The following PRELID2 variants were observed in gnomAD, a reference collection of about 807,000 sequenced individuals.
The protein encoded by PRELID2 is PRELI domain containing 2.
A neutral mutation model predicts 28.4 loss-of-function variants in PRELID2; 25 were observed. The observed-to-expected ratio is 0.88, with a 90% CI of 0.64 to 1.23. The LOEUF is 1.23. Among genes scored for constraint, PRELID2 ranks in the 50% most tolerant of loss-of-function variants. PRELID2 has a pLI of 0.00. For synonymous variants in PRELID2, 76 were observed against 71.6 expected (o/e 1.06, Z -0.31); for missense variants, 201 against 214.4 (o/e 0.94, Z 0.39).
At chr5:145,787,547 A>ATTTT (rs34918986) in intron 5 of PRELID2, among the ~76,000 whole-genome samples, 3 of 148,252 alleles carry the variant, frequency 2.0e-5, no homozygotes, top group African/African-American at 7.4e-5. Context: ...AGAGGCAACA[A>ATTTT]TTTTTTTTTT....
At chr5:145,666,431 G>A (rs1368699045) in intron 1 of PRELID2, among the ~76,000 whole-genome samples, 4 of 150,792 alleles carry the variant, frequency 2.7e-5, no homozygotes, top group African/African-American at 7.5e-5. Flanking sequence ...TTCACCAAAG[G>A]AAGACTGGGA....
the PRELID2 span, among the ~76,000 whole-genome samples, chr5:145,254,738 G>C: frequency 2.0e-5 from 3 of 151,880 alleles, no homozygotes; most frequent in Non-Finnish European, 4.4e-5. Context: ...TCAAAAACCC[G>C]GCAGGCATTT....
Position 145,505,193 on chromosome 5 carries a change from G to T in PRELID2, n.71-31878C>A, listed in dbSNP as rs145523009. ...CTCTGATTCAATAGATTTCTATTCT[G>T]ATCAATACTATTCATCAAATAGTCA... On this transcript the variant is annotated intron_variant and non_coding_transcript_variant, in intron 1 of 2. Transcript: ENST00000510259. 4.6e-3 allele frequency among the ~76,000 whole-genome samples: 699 copies of T among 152,112 alleles called. 8 individuals are homozygous for T. The highest frequency in any genetic ancestry group is 0.015 in the African/African-American group (633 of 41,492).
chr5:145,609,901 G>A (rs1028585143), intron 1 of PRELID2, among the ~76,000 whole-genome samples: 8 of 152,206 alleles, frequency 5.3e-5, no homozygotes, highest in Non-Finnish European at 4.4e-5. Flanking sequence ...CTGGAAGCTG[G>A]TACTGGGCCT....
At chr5:145,701,575 T>A (rs1755407853) in intron 1 of PRELID2, among the ~76,000 whole-genome samples, 2 of 152,216 alleles carry the variant, frequency 1.3e-5, no homozygotes, top group African/African-American at 4.8e-5. Flanking sequence ...TTTGATGTAA[T>A]TCCCTGTGTC....
intron 5 of PRELID2, among the ~76,000 whole-genome samples, chr5:145,787,526 C>T (rs1207191426): frequency 7.1e-6 from 1 of 140,646 alleles, no homozygotes; most frequent in Non-Finnish European, 1.5e-5. Flanking sequence ...CTCAACAGGG[C>T]AATATTGAAA....
chr5:145,289,824 G>A, the PRELID2 span, among the ~76,000 whole-genome samples: 21 of 151,452 alleles, frequency 1.4e-4, no homozygotes, highest in South Asian at 4.1e-4. Flanking sequence ...GCATCTCATC[G>A]TTTTAATTTG....
intron 1 of PRELID2, among the ~76,000 whole-genome samples, chr5:145,621,462 C>A (rs1753772979): frequency 6.6e-6 from 1 of 152,128 alleles, no homozygotes; most frequent in Admixed American, 6.5e-5. Flanking sequence ...TTTTTAGCAA[C>A]ATTAGTGATA....
the PRELID2 span, among the ~76,000 whole-genome samples, chr5:145,370,113 T>C: frequency 2.0e-5 from 3 of 152,150 alleles, no homozygotes; most frequent in Admixed American, 2.0e-4. Context: ...GAGCAGAAAG[T>C]CTTTAGTTTA....
chr5:145,407,529 G>T, the PRELID2 span, among the ~76,000 whole-genome samples: 17 of 152,122 alleles, frequency 1.1e-4, no homozygotes, highest in African/African-American at 3.9e-4. Flanking sequence ...TACCTGCCCT[G>T]GTAGCTGAAT....
intron 1 of PRELID2, among the ~76,000 whole-genome samples, chr5:145,587,634 C>G (rs1753172094): frequency 6.6e-6 from 1 of 152,048 alleles, no homozygotes; most frequent in Admixed American, 6.6e-5. Flanking sequence ...AAGCATAATA[C>G]TTCATACTCA....
intron 1 of PRELID2, among the ~76,000 whole-genome samples, chr5:145,532,516 C>T (rs1160613611): frequency 6.6e-6 from 1 of 151,984 alleles, no homozygotes; most frequent in Non-Finnish European, 1.5e-5. Flanking sequence ...GTCAAGTATA[C>T]AAAAACTTAA....
chr5:145,730,206 T>G (rs1756299487), intron 1 of PRELID2, among the ~76,000 whole-genome samples: 1 of 152,082 alleles, frequency 6.6e-6, no homozygotes, highest in Admixed American at 6.6e-5. Context: ...CTGGACATGT[T>G]CCAAGACTCT....
At chr5:145,232,008 G>A in the PRELID2 span, among the ~76,000 whole-genome samples, 2 of 151,842 alleles carry the variant, frequency 1.3e-5, no homozygotes, top group African/African-American at 4.8e-5. Flanking sequence ...TTGCACACAC[G>A]CTCACTCATG....
the PRELID2 span, among the ~76,000 whole-genome samples, chr5:145,416,592 G>C: frequency 6.6e-6 from 1 of 152,102 alleles, no homozygotes; most frequent in East Asian, 1.9e-4. Flanking sequence ...GAAGTTCTTT[G>C]AAACTAATGA....
At chr5:145,575,168 A>G (rs979388494) in intron 1 of PRELID2, among the ~76,000 whole-genome samples, 1 of 152,066 alleles carries the variant, frequency 6.6e-6, no homozygotes, top group Admixed American at 6.6e-5. Context: ...CTTCTTCTAT[A>G]ATTCCAGAAT....
the PRELID2 span, among the ~76,000 whole-genome samples, chr5:145,432,687 G>T: frequency 6.6e-6 from 1 of 152,012 alleles, no homozygotes; most frequent in African/African-American, 2.4e-5. Flanking sequence ...TTCCACAAAA[G>T]AATAATTTTG....
downstream of PRELID2, among the ~76,000 whole-genome samples, chr5:145,469,857 T>C (rs1278399385): frequency 6.6e-6 from 1 of 152,092 alleles, no homozygotes; most frequent in African/African-American, 2.4e-5. Flanking sequence ...TATTGAGAAA[T>C]TTCACAATGT....
the PRELID2 span, among the ~76,000 whole-genome samples, chr5:145,381,958 T>TG: frequency 2.2e-4 from 32 of 148,578 alleles, no homozygotes; most frequent in African/African-American, 5.4e-4. Context: ...ATTACTTAGT[T>TG]TTTTTTTTTT....
Sources: gnomAD v4.1 joint callset for allele counts (sites outside exome capture counted in the v4.1 genomes callset) on GRCh38, gnomAD v4.1.1 for gene constraint, MANE v1.5 for transcripts, NCBI Gene and HGNC (gene_info 2026-07-23, HGNC 2026-07-21) for gene names.